Variants in AFAP1 observed in about 807,000 individuals in gnomAD.
The protein encoded by AFAP1 is actin filament associated protein 1.
In AFAP1, 75 loss-of-function variants were observed where a neutral mutation model predicts 93.9. The ratio of observed to expected loss-of-function variants is 0.80; its 90% CI spans 0.66 to 0.97. AFAP1 has a LOEUF of 0.97. Among genes scored for constraint, AFAP1 ranks in the 50% least tolerant of loss-of-function variants. AFAP1 has a pLI of 0.00. For missense variants in AFAP1, 1,201 were observed against 1,050.8 expected, an observed-to-expected ratio of 1.14 and a Z score of -1.98; for synonymous variants, 517 against 430.7, an observed-to-expected ratio of 1.20 and a Z score of -2.48.
chr4:7,863,610 C>T (rs531341421), intron 3 of AFAP1, among the ~76,000 whole-genome samples: 6 of 152,282 alleles, frequency 3.9e-5, no homozygotes, highest in Non-Finnish European at 7.3e-5. Context: ...AAGATTTCCA[C>T]ACTACACACA....
intron 1 of AFAP1, among the ~76,000 whole-genome samples, chr4:7,896,346 T>C (rs987472867): frequency 6.6e-6 from 1 of 152,202 alleles, no homozygotes; most frequent in Admixed American, 6.5e-5. Flanking sequence ...TAAATAATAC[T>C]GAACACCGAC....
chr4:7,882,587 G>A (rs190100842), intron 1 of AFAP1, among the ~76,000 whole-genome samples: 114 of 152,282 alleles, frequency 7.5e-4, no homozygotes, highest in African/African-American at 2.6e-3. Context: ...CAGGGTGGGT[G>A]CGGTGGCTCA....
chr4:7,848,715 A>G (rs1714096513), intron 4 of AFAP1, among the ~76,000 whole-genome samples: 1 of 152,040 alleles, frequency 6.6e-6, no homozygotes, highest in African/African-American at 2.4e-5. Flanking sequence ...TCACAGATAC[A>G]CCCAAAAATA....
intron 6 of AFAP1, among the ~76,000 whole-genome samples, chr4:7,823,025 T>A (rs1721113299): frequency 6.6e-6 from 1 of 152,036 alleles, no homozygotes; most frequent in Middle Eastern, 3.4e-3. Flanking sequence ...TGCTTTTTTT[T>A]ATATAGCTAA....
chr4:7,781,076 CT>C (rs34973922), intron 13 of AFAP1, among the ~76,000 whole-genome samples: 60,042 of 151,958 alleles, frequency 0.4, 12,805 homozygotes, highest in East Asian at 0.77. Context: ...TTACCCGTTT[CT>C]TTTTAACTTC....
At chr4:7,776,523 A>C (rs1387454931) in intron 14 of AFAP1, 2 of 152,250 alleles carry the variant, frequency 1.3e-5, no homozygotes, top group Non-Finnish European at 2.9e-5. Context: ...AGTGATTCCC[A>C]GAGCCTTGTC....
At chr4:7,810,164 T>C (rs561772180) in intron 8 of AFAP1, among the ~76,000 whole-genome samples, 72 of 152,318 alleles carry the variant, frequency 4.7e-4, no homozygotes, top group African/African-American at 1.5e-3. Flanking sequence ...TGCCCGGCCT[T>C]TCCCTCAACT....
chr4:7,894,014 G>A (rs972872204), intron 1 of AFAP1, among the ~76,000 whole-genome samples: 6 of 152,300 alleles, frequency 3.9e-5, no homozygotes, highest in African/African-American at 1.2e-4. Flanking sequence ...CTCAAGAAGG[G>A]AGACAGCACA....
intron 2 of AFAP1, among the ~76,000 whole-genome samples, chr4:7,870,795 C>A (rs1716955108): frequency 6.6e-6 from 1 of 152,186 alleles, no homozygotes; most frequent in Non-Finnish European, 1.5e-5. Flanking sequence ...AATCCTTCAG[C>A]CCATCTTCCA....
In AFAP1 at chr4:7,761,519, C is replaced by A. The variant is rs116213171; in HGVS notation, c.*2246G>T. The A allele has an allele frequency of 6.6e-6, 1 of 152,254 alleles. No homozygotes were observed. Among genetic ancestry groups the A allele is most frequent in the Non-Finnish European group, 1.5e-5 (1 of 68,062 alleles). The allele number at this position is 152,254 out of a possible 1,614,324, so 9.4% of individuals were successfully genotyped here. A position where few individuals can be genotyped will look rare whatever the true frequency, so the allele number is the denominator to read the frequency against. On this transcript the variant is annotated 3_prime_UTR_variant, in exon 18 of 18. Coordinates refer to ENST00000420658, the MANE Select transcript of AFAP1 (RefSeq NM_001134647.2). Reference sequence around the variant, plus strand: ...CGGCTAAGGCCCACGTGACACTTTGCGTGCTGCTCACACTTCACCTGCCAG... The same window carrying A: ...CGGCTAAGGCCCACGTGACACTTTGAGTGCTGCTCACACTTCACCTGCCAG...
intron 12 of AFAP1, 34 bp downstream of exon 12, chr4:7,786,160 A>T: frequency 6.3e-7 from 1 of 1,593,592 alleles, no homozygotes; most frequent in Non-Finnish European, 8.6e-7. Context: ...GCCTCTAACA[A>T]AACCAACCAT....
chr4:7,934,698 C>A (rs972813310), intron 1 of AFAP1, among the ~76,000 whole-genome samples: 4 of 152,130 alleles, frequency 2.6e-5, no homozygotes, highest in African/African-American at 9.7e-5. Flanking sequence ...TTCCTGGGTG[C>A]TGGACTGGGG....
intron 1 of AFAP1, among the ~76,000 whole-genome samples, chr4:7,893,130 A>C (rs1718566971): frequency 6.6e-6 from 1 of 152,336 alleles, no homozygotes; most frequent in East Asian, 1.9e-4. Flanking sequence ...GGTCTCTTCT[A>C]ACTGGTCTAT....
At position 7,843,482 on chromosome 4, in the gene AFAP1, G is replaced by T. The variant is rs73086501; in HGVS notation, c.335-132C>A. 4.6e-6 allele frequency: 4 copies of T among 861,900 alleles called. No homozygotes were observed. In the Middle Eastern group the frequency reaches 1.0e-3, roughly 222 times the overall value. The allele number at this position is 861,900 out of a possible 1,614,324, so 53.4% of individuals were successfully genotyped here. On this transcript the variant is annotated intron_variant, in intron 4 of 17. Transcript: ENST00000420658. ...AGAAAGGGACCTCTGCTCCTTAAGG[G>T]AAAAAACAAAAACAAAAACAAAAAT...
At chr4:7,831,541 T>A (rs1310853456) in intron 6 of AFAP1, among the ~76,000 whole-genome samples, 2 of 152,192 alleles carry the variant, frequency 1.3e-5, no homozygotes, top group Non-Finnish European at 2.9e-5. Context: ...GCGTCTGACA[T>A]CTTGAGAAAG....
At chr4:7,828,499 G>T (rs138771208) in intron 6 of AFAP1, among the ~76,000 whole-genome samples, 40 of 152,308 alleles carry the variant, frequency 2.6e-4, no homozygotes, top group Middle Eastern at 6.8e-3. Context: ...AAGCGGTGAT[G>T]TAAGTCCAGT....
At position 7,778,807 on chromosome 4, in the gene AFAP1, G is replaced by A; in HGVS notation, c.1852C>T (p.Pro618Ser). 4 of 1,614,200 alleles carry A rather than the reference G, an allele frequency of 2.5e-6. No homozygotes were observed. Among genetic ancestry groups the A allele is most frequent in the African/African-American group, 1.3e-5 (1 of 75,046 alleles). The change falls in exon 14 of 18, where the codon CCA becomes TCA. Residue 618 changes from proline (P) to serine (S), a missense_variant. Coordinates refer to ENST00000420658, the MANE Select transcript of AFAP1 (RefSeq NM_001134647.2). ...ACAGCCGCGGGATCCGCTTTCTTTG[G>A]CTGACTGCTCAGAGTCTTCCCTTTT... ...TGKGKTLSSQ[P>S]KKADPAAVVK...
intron 4 of AFAP1, among the ~76,000 whole-genome samples, chr4:7,848,421 T>C (rs765363962): frequency 6.6e-6 from 1 of 152,010 alleles, no homozygotes; most frequent in Non-Finnish European, 1.5e-5. Flanking sequence ...AAACTCTCCG[T>C]CTGAGAGGGA....
At chr4:7,813,172 C>T (rs6819001) in intron 8 of AFAP1, among the ~76,000 whole-genome samples, 2 of 152,146 alleles carry the variant, frequency 1.3e-5, no homozygotes, top group East Asian at 3.8e-4. Context: ...CTCTATGCAG[C>T]CCGCAGAGAA....
Sources: allele counts gnomAD v4.1 joint callset (sites outside exome capture counted in the v4.1 genomes callset), GRCh38; gene constraint gnomAD v4.1.1; transcripts MANE v1.5; gene names NCBI Gene and HGNC (gene_info 2026-07-23, HGNC 2026-07-21).